The following AP2A2 variants were observed in gnomAD, a reference collection of about 807,000 sequenced individuals.
The protein encoded by AP2A2 is AP-2 complex subunit alpha-2.
A neutral mutation model predicts 104.2 loss-of-function variants in AP2A2; 32 were observed. That is an observed-to-expected ratio of 0.31 (90% CI 0.23 to 0.41). AP2A2 has a LOEUF of 0.41. AP2A2 is among the 10% of genes least tolerant of loss of function. The pLI, the probability that AP2A2 is intolerant of heterozygous loss-of-function variation, is 1.00. For missense variants in AP2A2, 912 were observed against 1,261.0 expected, an observed-to-expected ratio of 0.72 and a Z score of 4.19; for synonymous variants, 539 against 533.3, an observed-to-expected ratio of 1.01 and a Z score of -0.15.
intron 1 of AP2A2, among the ~76,000 whole-genome samples, chr11:954,807 C>T (rs980021331): frequency 5.9e-5 from 9 of 152,024 alleles, no homozygotes; most frequent in Non-Finnish European, 4.4e-5. Flanking sequence ...TGGAACTTGT[C>T]TCTGTTTCTG....
In AP2A2 at chr11:935,457, T is replaced by G. The variant is rs1040426335; in HGVS notation, c.67+9369T>G. Among the ~76,000 whole-genome samples, 8 of 151,986 alleles carry G rather than the reference T, an allele frequency of 5.3e-5. No individual in the cohort carries two copies. In the South Asian group the frequency reaches 1.7e-3, roughly 32 times the overall value. On this transcript the variant is annotated intron_variant, in intron 1 of 21. Transcript: ENST00000448903. ...TGCTGGGATTACAGGCATGAGCCAC[T>G]GTGCCTGGGCGGTTTTGAATTTTTA...
At chr11:935,798 C>G (rs1316115361) in intron 1 of AP2A2, among the ~76,000 whole-genome samples, 2 of 147,690 alleles carry the variant, frequency 1.4e-5, no homozygotes, top group African/African-American at 2.5e-5. Context: ...GTTTCACCAT[C>G]TTGGCCAGGC....
At position 992,060 on chromosome 11, in the gene AP2A2, C is replaced by T. The variant is rs1020731975; in HGVS notation, c.1270-443C>T. On this transcript the variant is annotated intron_variant, in intron 10 of 21. Transcript: ENST00000448903. This position sits in a 1 kb window ranked among gnomAD's most constrained non-coding sequence, Gnocchi z 6.4. ...GGCTCGCAGGAAAGACTGGCCAGAG[C>T]CGGAAGAAACCAGCAGAGAAGTGGC... 5.9e-5 allele frequency among the ~76,000 whole-genome samples: 9 copies of T among 152,202 alleles called. No homozygotes were observed. Among genetic ancestry groups the T allele is most frequent in the African/African-American group, 2.2e-4 (9 of 41,506 alleles).
chr11:959,457 A>C lies in AP2A2; in HGVS notation c.88A>C (p.Ile30Leu), dbSNP rs200802126. Residue 30 changes from isoleucine (I) to leucine (L), a missense_variant, in exon 2 of 22, where the codon ATA becomes CTA. Around this residue, in one of 7 missense-constraint regions of AP2A2, gnomAD observed 43 missense variants for 47.0 expected, o/e 0.91. Coordinates refer to ENST00000448903, the MANE Select transcript of AP2A2 (RefSeq NM_012305.4). ...TTTAGGTAAAAGTAAAGAAGCAGAAATAAAAAGGATAAACAAGGAACTGGC... is the reference window on the plus strand; with the variant it reads ...TTTAGGTAAAAGTAAAGAAGCAGAACTAAAAAGGATAAACAAGGAACTGGC... ...IRNCKSKEAEIKRINKELANI... is the reference protein window; with the variant it reads ...IRNCKSKEAELKRINKELANI... The C allele has an allele frequency of 7.1e-6, 11 of 1,552,298 alleles. No homozygotes were observed. Among genetic ancestry groups the C allele is most frequent in the Non-Finnish European group, 8.9e-6 (10 of 1,128,736 alleles).
At chr11:964,121 A>ACC (rs1353471683) in intron 2 of AP2A2, among the ~76,000 whole-genome samples, 1 of 152,218 alleles carries the variant, frequency 6.6e-6, no homozygotes, top group East Asian at 1.9e-4. Flanking sequence ...CAGAGGGAAT[A>ACC]CCCGTAGGGC....
intron 1 of AP2A2, among the ~76,000 whole-genome samples, chr11:930,271 A>G (rs990665206): frequency 1.3e-5 from 2 of 152,084 alleles, no homozygotes; most frequent in Admixed American, 6.6e-5. Flanking sequence ...ATAGGCAGCA[A>G]TGAATATGCT....
At chr11:977,351 C>A in intron 5 of AP2A2, 127 bp downstream of exon 5, 1 of 1,283,604 alleles carries the variant, frequency 7.8e-7, no homozygotes, top group Non-Finnish European at 1.0e-6. Context: ...GCTGTGGCTG[C>A]GTGCTGAGGC....
chr11:977,737 A>G (rs1855099148), intron 5 of AP2A2, among the ~76,000 whole-genome samples: 1 of 151,666 alleles, frequency 6.6e-6, no homozygotes, highest in South Asian at 2.1e-4. Flanking sequence ...AGGGTCACAG[A>G]GCCGTCCACC....
At chr11:995,641 A>T (rs1007922824) in intron 14 of AP2A2, among the ~76,000 whole-genome samples, 13 of 148,586 alleles carry the variant, frequency 8.7e-5, no homozygotes, top group Admixed American at 5.4e-4. Context: ...GCCCCGGCTG[A>T]CCATGTGTCC....
chr11:991,269 C>T (rs1429471407), intron 10 of AP2A2, among the ~76,000 whole-genome samples: 7 of 152,246 alleles, frequency 4.6e-5, no homozygotes, highest in African/African-American at 1.2e-4. Flanking sequence ...CCTGCCTACT[C>T]GGCACCTTGC....
intron 2 of AP2A2, among the ~76,000 whole-genome samples, chr11:962,200 C>A (rs755824864): frequency 1.3e-5 from 2 of 152,346 alleles, no homozygotes; most frequent in East Asian, 3.9e-4. Context: ...TGTCACTGGG[C>A]CTTCACTGAA....
chr11:932,666 AGAAG>A (rs1221365546), intron 1 of AP2A2: 3 of 455,826 alleles, frequency 6.6e-6, no homozygotes, highest in Non-Finnish European at 4.4e-6. Flanking sequence ...GGCTATGGAG[AGAAG>A]GAAGGAAGTC....
At chr11:1,009,884 G>A in intron 21 of AP2A2, 67 bp downstream of exon 21, 1 of 1,502,542 alleles carries the variant, frequency 6.7e-7, no homozygotes, top group Non-Finnish European at 9.0e-7. Context: ...TGTACGTGGT[G>A]AGATGTGTAG....
rs772462648 is a variant in AP2A2 at position 1,011,219 on chromosome 11, G to A, written c.*594G>A. ...CTGGCAAAAGCACGTGTCCTGGCCG[G>A]ATGTAACTGTTCTCCTTTCCCAGCT... On this transcript the variant is annotated 3_prime_UTR_variant, in exon 22 of 22. Transcript: ENST00000448903. 5.8e-6 allele frequency: 3 copies of A among 519,900 alleles called. No individual in the cohort carries two copies. The highest frequency in any genetic ancestry group is 1.2e-5 in the Non-Finnish European group (3 of 260,660). 32.2% of individuals were successfully genotyped at this position (519,900 alleles called of 1,614,324 possible).
At chr11:954,315 T>G (rs571738294) in intron 1 of AP2A2, among the ~76,000 whole-genome samples, 1 of 152,282 alleles carries the variant, frequency 6.6e-6, no homozygotes, top group African/African-American at 2.4e-5. Context: ...CTTCCATGCT[T>G]CTCCCCCTCC....
intron 15 of AP2A2, among the ~76,000 whole-genome samples, chr11:1,001,777 C>T (rs1435341500): frequency 2.0e-5 from 3 of 152,146 alleles, no homozygotes; most frequent in Non-Finnish European, 4.4e-5. Flanking sequence ...CCCTGCTGGG[C>T]GCTGCCTGCC....
chr11:930,475 A>T (rs1365891709), intron 1 of AP2A2, among the ~76,000 whole-genome samples: 1 of 151,906 alleles, frequency 6.6e-6, no homozygotes, highest in Non-Finnish European at 1.5e-5. Flanking sequence ...CTTTTTTTTT[A>T]AATTGGCATT....
chr11:988,479 G>GAGCCTGTCCCC lies in AP2A2; in HGVS notation c.1132-60_1132-50dup, dbSNP rs1333860075. ...GAGTGGGTGTTGAGATGCGGGTGCCGAGCCTGTCCCCAGCCTGTCCCCAAG... is the reference window on the plus strand; with the variant it reads ...GAGTGGGTGTTGAGATGCGGGTGCCGAGCCTGTCCCCAGCCTGTCCCCAGCCTGTCCCCAAG... On this transcript the variant is annotated intron_variant, in intron 9 of 21. Coordinates refer to ENST00000448903, the MANE Select transcript of AP2A2 (RefSeq NM_012305.4). 5.1e-6 allele frequency: 8 copies of GAGCCTGTCCCC among 1,560,636 alleles called. No individual in the cohort carries two copies. The African/African-American group carries it at 6.7e-5, about 13-fold the overall frequency.
chr11:991,575 C>T (rs1465189217), intron 10 of AP2A2, among the ~76,000 whole-genome samples: 1 of 152,158 alleles, frequency 6.6e-6, no homozygotes, highest in African/African-American at 2.4e-5. Flanking sequence ...GCCAGTGAGG[C>T]CTGAGGGCCC....
Sources: gnomAD v4.1 joint callset for allele counts (sites outside exome capture counted in the v4.1 genomes callset) on GRCh38, gnomAD v4.1.1 for gene constraint, gnomAD v4.1.1 regional missense constraint, Gnocchi (gnomAD v3.1) non-coding constraint, MANE v1.5 for transcripts, NCBI Gene and HGNC (gene_info 2026-07-23, HGNC 2026-07-21) for gene names.